USP38: variants seen among roughly 807,000 people sequenced by gnomAD.
USP38 encodes the protein ubiquitin carboxyl-terminal hydrolase 38.
Under a neutral mutation model 94.3 loss-of-function variants are expected in USP38, and 49 were observed. That is an observed-to-expected ratio of 0.52 (90% confidence interval 0.41 to 0.66). USP38 has a LOEUF of 0.66. Among genes scored for constraint, USP38 ranks in the 30% least tolerant of loss-of-function variants. The probability of loss-of-function intolerance (pLI) is 0.00; values close to 1 mark genes in which losing one functional copy is unlikely to be tolerated. For synonymous variants in USP38, 468 were observed against 463.6 expected (o/e 1.01, Z -0.12); for missense variants, 1,128 against 1,229.4 (o/e 0.92, Z 1.23).
Position 143,184,974 on chromosome 4 carries a change from G to A in USP38, c.-477G>A. 6.4e-6 allele frequency: 1 copy of A among 156,436 alleles called. No individual in the cohort carries two copies. The highest frequency in any genetic ancestry group is 1.4e-5 in the Non-Finnish European group (1 of 71,192). 9.7% of individuals were successfully genotyped at this position (156,436 alleles called of 1,614,324 possible). On this transcript the variant is annotated 5_prime_UTR_variant, in exon 1 of 10. Coordinates refer to ENST00000307017, the MANE Select transcript of USP38 (RefSeq NM_032557.6). ...GGTCTCTTCTCCCCGGCTGATCCCA[G>A]CACTCTCCGTGACAGCGCCTCCTGA...
intron 9 of USP38, among the ~76,000 whole-genome samples, chr4:143,217,053 C>T (rs1440779315): frequency 1.3e-5 from 2 of 152,174 alleles, no homozygotes; most frequent in Admixed American, 6.6e-5. Flanking sequence ...CTCAAGTGAT[C>T]TGCCCACCTT....
At chr4:143,205,891 C>T (rs1273593347) in intron 5 of USP38, 142 bp from the exon 6 acceptor site, 15 of 548,006 alleles carry the variant, frequency 2.7e-5, no homozygotes, top group Non-Finnish European at 3.9e-5. Context: ...TAGCCAAGTA[C>T]TGCCAGTTAC....
chr4:143,212,519 A>G (rs774386150), intron 8 of USP38, 95 bp downstream of exon 8: 1 of 637,836 alleles, frequency 1.6e-6, no homozygotes, highest in East Asian at 3.3e-5. Context: ...ACATATTTCA[A>G]ATATTACTCT....
Position 143,222,761 on chromosome 4 carries a change from A to G in USP38, c.*2305A>G, listed in dbSNP as rs920171537. The G allele has an allele frequency of 6.6e-6, 1 of 152,112 alleles. No individual in the cohort carries two copies. The highest frequency in any genetic ancestry group is 1.5e-5 in the Non-Finnish European group (1 of 67,978). 9.4% of individuals were successfully genotyped at this position (152,112 alleles called of 1,614,324 possible). A position where few individuals can be genotyped will look rare whatever the true frequency, so the allele number is the denominator to read the frequency against. ...CAGAAACTTCATTCAAAACCTATGC[A>G]TCTGAACTTTTTTAGTAAGGTAATA... On this transcript the variant is annotated 3_prime_UTR_variant, in exon 10 of 10. Coordinates refer to ENST00000307017, the MANE Select transcript of USP38 (RefSeq NM_032557.6).
intron 2 of USP38, among the ~76,000 whole-genome samples, 185 bp from the exon 3 acceptor site, chr4:143,195,531 G>T (rs1429301815): frequency 6.6e-6 from 1 of 152,216 alleles, no homozygotes; most frequent in Non-Finnish European, 1.5e-5. Context: ...CAGTTTACAA[G>T]ATTGGAAATT....
rs1732096528 is a variant in USP38, at chr4:143,213,785, C to T, written c.1809C>T (p.Cys603=). 1 of 1,613,706 alleles carries T rather than the reference C, an allele frequency of 6.2e-7. No individual in the cohort carries two copies. The highest frequency in any genetic ancestry group is 8.5e-7 in the Non-Finnish European group (1 of 1,179,856). Residue 603 remains cysteine (C), a synonymous_variant, in exon 9 of 10, where the codon TGC becomes TGT. Transcript: ENST00000307017. ...GAACTCACATACGTTGTTTGAACTG[C>T]AGGAGTACCTCACAAAAAGTGGAAG... ...KLRTHIRCLN[C]RSTSQKVEAF...
At position 143,213,706 on chromosome 4, in the gene USP38, G is replaced by A. The variant is rs753055918; in HGVS notation, c.1730G>A (p.Arg577His). 20 of 1,613,566 alleles carry A rather than the reference G, an allele frequency of 1.2e-5. No homozygotes were observed. The highest frequency in any genetic ancestry group is 6.7e-5 in the African/African-American group (5 of 74,880). Residue 577 changes from arginine (R) to histidine (H), a missense_variant, in exon 9 of 10, where the codon CGT becomes CAT. Arg to His is a conservative substitution (Grantham distance 29, BLOSUM62 0). Coordinates refer to ENST00000307017, the MANE Select transcript of USP38 (RefSeq NM_032557.6). ...GCAGCAGTACTAACAGAGACCCCTCGTACAAGTGACGGTGAGAAGACTTTA... is the reference window on the plus strand; with the variant it reads ...GCAGCAGTACTAACAGAGACCCCTCATACAAGTGACGGTGAGAAGACTTTA... ...SKAAVLTETP[R>H]TSDGEKTLIE...
intron 7 of USP38, among the ~76,000 whole-genome samples, chr4:143,211,082 A>G (rs1287898102): frequency 6.6e-6 from 1 of 151,938 alleles, no homozygotes; most frequent in Non-Finnish European, 1.5e-5. Context: ...ATTATATATA[A>G]AATATATATG....
chr4:143,201,658 AG>A (rs1410653533), intron 4 of USP38, among the ~76,000 whole-genome samples: 1 of 152,184 alleles, frequency 6.6e-6, no homozygotes, highest in East Asian at 1.9e-4. Context: ...GTTATGGGTC[AG>A]GTTGCTTTTC....
intron 5 of USP38, chr4:143,204,322 T>C: frequency 2.3e-6 from 1 of 441,988 alleles, no homozygotes; most frequent in Non-Finnish European, 4.5e-6. Flanking sequence ...TCATCAATGT[T>C]TCGAATCTTT....
chr4:143,217,143 G>C (rs1208123942), intron 9 of USP38, among the ~76,000 whole-genome samples: 1 of 152,062 alleles, frequency 6.6e-6, no homozygotes, highest in Non-Finnish European at 1.5e-5. Flanking sequence ...ATTAATAAAG[G>C]CTCAAATTGT....
chr4:143,185,479 G>C lies in USP38; in HGVS notation c.29G>C (p.Ser10Thr). MDKILEGLV[S>T]SSHPLPLKRV... ...GACAAGATCCTGGAGGGCCTTGTGA[G>C]TTCCTCGCATCCCCTGCCCCTCAAG... The change falls in exon 1 of 10, where the codon AGT (serine) becomes ACT (threonine). Residue 10 changes from serine to threonine, a missense_variant. By Grantham distance (58) the Ser-to-Thr change is moderately conservative. Transcript: ENST00000307017. 1 of 1,601,288 alleles carries C rather than the reference G, an allele frequency of 6.2e-7. No homozygotes were observed. Among genetic ancestry groups the C allele is most frequent in the Non-Finnish European group, 8.5e-7 (1 of 1,172,992 alleles).
chr4:143,212,234 T>G, intron 7 of USP38, 84 bp from the exon 8 acceptor site: 4 of 1,105,228 alleles, frequency 3.6e-6, no homozygotes, highest in Non-Finnish European at 5.1e-6. Context: ...ATAACCTTTA[T>G]TAAACACTGT....
Position 143,214,062 on chromosome 4 carries a change from G to A in USP38, c.2086G>A (p.Glu696Lys), listed in dbSNP as rs149996933. 43 of 1,613,378 alleles carry A rather than the reference G, an allele frequency of 2.7e-5. No individual in the cohort carries two copies. The highest frequency in any genetic ancestry group is 8.8e-5 in the South Asian group (8 of 91,052). Reference sequence around the variant, plus strand: ...TTCTGAAAACACTTCTGTCCCTAACGAATCTAACAAGATTCTTGTTAATAA... The same window carrying A: ...TTCTGAAAACACTTCTGTCCCTAACAAATCTAACAAGATTCTTGTTAATAA... The part of the protein sequence containing the change: ...YCSENTSVPN[E>K]SNKILVNKDV... Residue 696 changes from glutamate (E) to lysine (K), a missense_variant, in exon 9 of 10, where the codon GAA becomes AAA. Physicochemically the swap from Glu to Lys is moderately conservative, Grantham distance 56. Coordinates refer to ENST00000307017, the MANE Select transcript of USP38 (RefSeq NM_032557.6).
chr4:143,192,549 A>AT (rs1731426135), intron 2 of USP38, among the ~76,000 whole-genome samples: 2 of 54,180 alleles, frequency 3.7e-5, no homozygotes, highest in African/African-American at 1.5e-4. Context: ...ATCCCATATT[A>AT]CTTTTTTTTT....
chr4:143,205,191 A>T (rs983991552), intron 5 of USP38, among the ~76,000 whole-genome samples: 6 of 152,208 alleles, frequency 3.9e-5, no homozygotes, highest in African/African-American at 1.4e-4. Context: ...ATATAGGCTC[A>T]GAAGAAACAA....
At chr4:143,204,885 C>G (rs1327146029) in intron 5 of USP38, among the ~76,000 whole-genome samples, 1 of 152,116 alleles carries the variant, frequency 6.6e-6, no homozygotes, top group Non-Finnish European at 1.5e-5. Flanking sequence ...ATCTTTACTT[C>G]TGTATCTGAG....
intron 9 of USP38, 70 bp downstream of exon 9, chr4:143,215,013 AT>A (rs1560674846): frequency 7.0e-7 from 1 of 1,420,278 alleles, no homozygotes; most frequent in Non-Finnish European, 9.6e-7. Flanking sequence ...GAGTACCCTC[AT>A]TTTGAAATCT....
At chr4:143,218,091 C>G (rs948520032) in intron 9 of USP38, among the ~76,000 whole-genome samples, 1 of 152,102 alleles carries the variant, frequency 6.6e-6, no homozygotes, top group African/African-American at 2.4e-5. Context: ...AGACCACTTC[C>G]CATCTTTTCT....
Sources: gnomAD v4.1 joint callset for allele counts (sites outside exome capture counted in the v4.1 genomes callset) on GRCh38, gnomAD v4.1.1 for gene constraint, MANE v1.5 for transcripts, NCBI Gene and HGNC (gene_info 2026-07-23, HGNC 2026-07-21) for gene names.